ADGRF1: variants seen among roughly 807,000 people sequenced by gnomAD.
ADGRF1 encodes adhesion G protein-coupled receptor F1, also known as G protein-coupled receptor 110.
Under a neutral mutation model 87.2 loss-of-function variants are expected in ADGRF1, and 85 were observed. That is an observed-to-expected ratio of 0.97 (90% confidence interval 0.82 to 1.17). The LOEUF (loss-of-function observed/expected upper bound fraction) is 1.17, where lower values mean the gene tolerates loss of function less well. Among genes scored for constraint, ADGRF1 ranks in the 50% most tolerant of loss-of-function variants. ADGRF1 has a pLI of 0.00. For missense variants in ADGRF1, 1,169 were observed against 1,077.2 expected, an observed-to-expected ratio of 1.09 and a Z score of -1.19; for synonymous variants, 430 against 408.8, an observed-to-expected ratio of 1.05 and a Z score of -0.63.
chr6:47,013,344 G>A (rs1779765041), intron 9 of ADGRF1: 1 of 985,534 alleles, frequency 1.0e-6, no homozygotes, highest in African/African-American at 1.7e-5. Flanking sequence ...AGAAACCCCA[G>A]AATCTAATCC....
chr6:47,034,920 C>T (rs1780543443), intron 1 of ADGRF1, among the ~76,000 whole-genome samples: 1 of 152,206 alleles, frequency 6.6e-6, no homozygotes, highest in Non-Finnish European at 1.5e-5. Flanking sequence ...GCTGCTGGTG[C>T]CTTCAGCCTA....
chr6:47,018,832 G>A (rs1253778862), intron 7 of ADGRF1: 1 of 267,528 alleles, frequency 3.7e-6, no homozygotes, highest in East Asian at 1.0e-4. Flanking sequence ...CGTGTCTCAT[G>A]CCTGTAATGC....
At chr6:47,014,595 T>G (rs868532680) in intron 9 of ADGRF1, 86 bp downstream of exon 9, 33 of 1,546,530 alleles carry the variant, frequency 2.1e-5, no homozygotes, top group Middle Eastern at 3.5e-4. Flanking sequence ...GTAGGTATAC[T>G]TACCCTCCAC....
intron 1 of ADGRF1, among the ~76,000 whole-genome samples, chr6:47,040,821 A>T (rs1263851017): frequency 6.6e-6 from 1 of 152,236 alleles, no homozygotes; most frequent in Non-Finnish European, 1.5e-5. Context: ...GCATTCCTTT[A>T]GTTGTGTAAT....
intron 12 of ADGRF1, among the ~76,000 whole-genome samples, chr6:47,006,743 G>A (rs1779543901): frequency 6.6e-6 from 1 of 152,058 alleles, no homozygotes; most frequent in African/African-American, 2.4e-5. Flanking sequence ...CATCCTCAAA[G>A]CTTATCACCC....
chr6:47,008,418 C>T (rs567836803), intron 11 of ADGRF1, among the ~76,000 whole-genome samples: 30 of 152,334 alleles, frequency 2.0e-4, no homozygotes, highest in South Asian at 6.2e-4. Context: ...GCGGGCTATA[C>T]GGTTTCTTTT....
chr6:47,009,277 C>T lies in ADGRF1; in HGVS notation c.2158G>A (p.Val720Ile), dbSNP rs1479793197. Residue 720 changes from valine to isoleucine, a missense_variant, in exon 11 of 15, where the codon GTC becomes ATC. Transcript: ENST00000371253. ...PLIISVITIA[V>I]TQPSNTYKRK... ...TTGTAGGTATTGCTAGGTTGCGTGA[C>T]AGCAATGGTAATGACAGATATAATG... 2 of 1,613,990 alleles carry T rather than the reference C, an allele frequency of 1.2e-6. No individual in the cohort carries two copies. Among genetic ancestry groups the T allele is most frequent in the African/African-American group, 1.3e-5 (1 of 74,904 alleles).
rs983346709 is a variant in ADGRF1 at position 47,009,612 on chromosome 6, G to A, written c.1823C>T (p.Ala608Val). The A allele has an allele frequency of 1.9e-6, 3 of 1,614,152 alleles. No individual in the cohort carries two copies. The highest frequency in any genetic ancestry group is 2.2e-5 in the East Asian group (1 of 44,868). Residue 608 changes from alanine to valine, a missense_variant, in exon 11 of 15, where the codon GCT (alanine) becomes GTT (valine). Physicochemically the swap from Ala to Val is moderately conservative, Grantham distance 64 (BLOSUM62 0). Transcript: ENST00000371253. ...TTTTTTAATCTGCTTCCAAAACAAA[G>A]CCTCGATGATCAGGCATAAAATGAG... is the stretch of plus-strand genomic sequence containing the variant. ...GSLILCLIIE[A>V]LFWKQIKKSQ... is the part of the protein sequence containing the mutation.
In ADGRF1 at chr6:47,009,605, A is replaced by G; in HGVS notation, c.1830T>C (p.Phe610=). The stretch of plus-strand genomic sequence containing the variant: ...TTTGGCTTTTTTTAATCTGCTTCCA[A>G]AACAAAGCCTCGATGATCAGGCATA... ...LILCLIIEAL[F]WKQIKKSQTS... Residue 610 remains phenylalanine (F), a synonymous_variant, in exon 11 of 15, where the codon TTT becomes TTC. Coordinates refer to ENST00000371253, the MANE Select transcript of ADGRF1 (RefSeq NM_153840.4). 1 of 1,614,196 alleles carries G rather than the reference A, an allele frequency of 6.2e-7. No individual in the cohort carries two copies. Among genetic ancestry groups the G allele is most frequent in the East Asian group, 2.2e-5 (1 of 44,874 alleles).
At chr6:47,002,962 C>T (rs1417397198) in intron 13 of ADGRF1, among the ~76,000 whole-genome samples, 1 of 152,134 alleles carries the variant, frequency 6.6e-6, no homozygotes. Context: ...CTTTAGCTAT[C>T]TCTCAGAGGA....
chr6:47,023,927 T>C lies in ADGRF1; in HGVS notation c.451+117A>G, dbSNP rs1231949759. 6.8e-6 allele frequency: 6 copies of C among 883,620 alleles called. No individual in the cohort carries two copies. In the East Asian group the frequency reaches 1.3e-4, roughly 20 times the overall value. The allele number at this position is 883,620 out of a possible 1,614,324, so 54.7% of individuals were successfully genotyped here. A position where few individuals can be genotyped will look rare whatever the true frequency, so the allele number is the denominator to read the frequency against. On this transcript the variant is annotated intron_variant, in intron 5 of 14. Coordinates refer to ENST00000371253, the MANE Select transcript of ADGRF1 (RefSeq NM_153840.4). Reference sequence around the variant, plus strand: ...CAGGCCTAACATGATGTATCATCACTGTCCCTCAATCTCCCTGTAAACAAA... The same window carrying C: ...CAGGCCTAACATGATGTATCATCACCGTCCCTCAATCTCCCTGTAAACAAA...
chr6:47,021,085 G>A lies in ADGRF1; in HGVS notation c.553-296C>T, dbSNP rs566575998. ...TAGGAGATGAATTTGATGCCAGATC[G>A]TAGAATAAATTTACCCAAAATCCAT... On this transcript the variant is annotated intron_variant, in intron 6 of 14. Coordinates refer to ENST00000371253, the MANE Select transcript of ADGRF1 (RefSeq NM_153840.4). Among the ~76,000 whole-genome samples, 10 of 152,240 alleles carry A rather than the reference G, an allele frequency of 6.6e-5. No homozygotes were observed. The East Asian group carries it at 1.5e-3, about 24-fold the overall frequency.
chr6:47,014,650 A>C (rs1375658171), intron 9 of ADGRF1, 31 bp downstream of exon 9: 1 of 1,600,000 alleles, frequency 6.3e-7, no homozygotes, highest in East Asian at 2.2e-5. Context: ...ACTCAAGACC[A>C]GGGCAAGTCT....
At chr6:47,029,606 G>A (rs917413484) in intron 1 of ADGRF1, among the ~76,000 whole-genome samples, 19 of 152,024 alleles carry the variant, frequency 1.2e-4, no homozygotes, top group African/African-American at 4.1e-4. Flanking sequence ...TCGAGTTTAT[G>A]GTTATCTCAA....
intron 3 of ADGRF1, among the ~76,000 whole-genome samples, chr6:47,026,376 C>T (rs900418669): frequency 6.6e-6 from 1 of 152,020 alleles, no homozygotes; most frequent in African/African-American, 2.4e-5. Flanking sequence ...TTCCCTCCCC[C>T]GCCCCCAGCT....
At chr6:47,016,985 C>T (rs1291898739) in intron 7 of ADGRF1, 2 of 382,820 alleles carry the variant, frequency 5.2e-6, no homozygotes, top group East Asian at 1.8e-4. Flanking sequence ...TGTATATATA[C>T]AGATATAATT....
chr6:47,003,347 C>T (rs1407005332), intron 13 of ADGRF1, among the ~76,000 whole-genome samples: 1 of 152,130 alleles, frequency 6.6e-6, no homozygotes, highest in Admixed American at 6.6e-5. Flanking sequence ...ATTTCTTTGA[C>T]ATATTTTGAA....
At chr6:47,026,035 T>C (rs757747439) in intron 3 of ADGRF1, 32 bp from the exon 4 acceptor site, 18 of 1,533,874 alleles carry the variant, frequency 1.2e-5, no homozygotes, top group Non-Finnish European at 1.4e-5. Flanking sequence ...GAAACCTTTT[T>C]TTCTGTCCTT....
intron 13 of ADGRF1, 58 bp downstream of exon 13, chr6:47,005,759 A>C: frequency 7.9e-7 from 1 of 1,272,600 alleles, no homozygotes; most frequent in Non-Finnish European, 1.1e-6. Context: ...CTGTATAAAG[A>C]GAAGAATGCA....
Sources: gnomAD v4.1 joint callset for allele counts (sites outside exome capture counted in the v4.1 genomes callset) on GRCh38, gnomAD v4.1.1 for gene constraint, MANE v1.5 for transcripts, NCBI Gene and HGNC (gene_info 2026-07-23, HGNC 2026-07-21) for gene names.